The following KLHL10 variants were observed in gnomAD, a reference collection of about 807,000 sequenced individuals.
KLHL10 encodes kelch-like protein 10.
A neutral mutation model predicts 46.6 loss-of-function variants in KLHL10; 11 were observed. The ratio of observed to expected loss-of-function variants is 0.24; its 90% CI spans 0.15 to 0.39. The LOEUF is 0.39. Among genes scored for constraint, KLHL10 ranks in the 10% least tolerant of loss-of-function variants. The probability of loss-of-function intolerance (pLI) is 1.00; values close to 1 mark genes in which losing one functional copy is unlikely to be tolerated. For synonymous variants in KLHL10, 254 were observed against 279.1 expected (o/e 0.91, Z 0.90); for missense variants, 475 against 789.8 (o/e 0.60, Z 4.78).
At chr17:41,839,117 G>C (rs369083747) in intron 1 of KLHL10, among the ~76,000 whole-genome samples, 1 of 152,062 alleles carries the variant, frequency 6.6e-6, no homozygotes, top group African/African-American at 2.4e-5. Context: ...TCAGCCTCCC[G>C]AGTAGCTGGA....
intron 1 of KLHL10, among the ~76,000 whole-genome samples, chr17:41,840,855 C>T (rs1446092774): frequency 6.6e-6 from 1 of 152,044 alleles, no homozygotes; most frequent in African/African-American, 2.4e-5. Flanking sequence ...GTGGCTCACC[C>T]GTGTAATCCC....
chr17:41,847,274 G>A lies in KLHL10; in HGVS notation c.1316G>A (p.Gly439Asp). The A allele has an allele frequency of 6.2e-7, 1 of 1,614,030 alleles. No homozygotes were observed. The highest frequency in any genetic ancestry group is 8.5e-7 in the Non-Finnish European group (1 of 1,179,950). Residue 439 changes from glycine (G) to aspartate (D), a missense_variant, in exon 4 of 5, where the codon GGT (glycine) becomes GAT (aspartate). Physicochemically the swap from Gly to Asp is moderately conservative, Grantham distance 94. Transcript: ENST00000293303. The stretch of plus-strand genomic sequence containing the variant: ...CTCTTCACACAGGTCTACATATGTG[G>A]TGGGTTTAATGGAAACGAGTGCCTG... The part of the protein sequence containing the change: ...TTLYGKVYIC[G>D]GFNGNECLFT...
chr17:41,836,650 C>T (rs1344087455), upstream of KLHL10, among the ~76,000 whole-genome samples: 6 of 152,076 alleles, frequency 3.9e-5, no homozygotes, highest in Non-Finnish European at 7.4e-5. Context: ...TGACGAAACC[C>T]TGTCTCTACA....
chr17:41,847,323 T>C lies in KLHL10; in HGVS notation c.1365T>C (p.Thr455=), dbSNP rs2048299859. 3 of 1,613,834 alleles carry C rather than the reference T, an allele frequency of 1.9e-6. No individual in the cohort carries two copies. Among genetic ancestry groups the C allele is most frequent in the Non-Finnish European group, 2.5e-6 (3 of 1,179,972 alleles). ...TGTTCACAGCAGAAGTGTATAACAC[T>C]GAAAGTAATCAGTGGACAGTCATAG... ...ECLFTAEVYN[T]ESNQWTVIAP... Residue 455 remains threonine (T), a synonymous_variant, in exon 4 of 5, where the codon ACT becomes ACC. Coordinates refer to ENST00000293303, the MANE Select transcript of KLHL10 (RefSeq NM_152467.5).
In KLHL10 at chr17:41,837,969, C is replaced by T. The variant is rs782680881; in HGVS notation, c.37C>T (p.His13Tyr). 6.2e-7 allele frequency: 1 copy of T among 1,614,146 alleles called. No individual in the cohort carries two copies. The change falls in exon 1 of 5, where the codon CAC becomes TAC. Residue 13 changes from histidine (H) to tyrosine (Y), a missense_variant. By Grantham distance (83) the His-to-Tyr change is moderately conservative. Coordinates refer to ENST00000293303, the MANE Select transcript of KLHL10 (RefSeq NM_152467.5). ...MESAAASTRF[H>Y]QPHMERKMSA... The stretch of plus-strand genomic sequence containing the variant: ...GAGCGCGGCGGCCTCCACACGTTTC[C>T]ACCAGCCTCACATGGAGAGGAAGAT...
chr17:41,848,204 T>C lies in KLHL10; in HGVS notation c.1724T>C (p.Leu575Pro). 1 of 1,614,168 alleles carries C rather than the reference T, an allele frequency of 6.2e-7. No individual in the cohort carries two copies. Among genetic ancestry groups the C allele is most frequent in the South Asian group, 1.1e-5 (1 of 91,076 alleles). Residue 575 changes from leucine to proline, a missense_variant, in exon 5 of 5, where the codon CTG becomes CCG. Leu to Pro is a moderately conservative substitution (Grantham distance 98). Transcript: ENST00000293303. ...SALSCCVVPG[L>P]ANVEEYAARR... ...CTGAGCTGCTGTGTAGTACCAGGGCTGGCCAATGTTGAGGAATATGCAGCT... is the reference window on the plus strand; with the variant it reads ...CTGAGCTGCTGTGTAGTACCAGGGCCGGCCAATGTTGAGGAATATGCAGCT...
intron 2 of KLHL10, 136 bp downstream of exon 2, chr17:41,842,448 T>A: frequency 1.8e-6 from 2 of 1,095,222 alleles, no homozygotes; most frequent in Non-Finnish European, 2.7e-6. Flanking sequence ...ATTTTGCAAC[T>A]GTCTTTTCCC....
Position 41,842,364 on chromosome 17 carries a change from A to G in KLHL10, c.684+52A>G, listed in dbSNP as rs782187332. The G allele has an allele frequency of 3.1e-6, 5 of 1,607,572 alleles. No homozygotes were observed. The East Asian group carries it at 8.9e-5, about 29-fold the overall frequency. Reference sequence around the variant, plus strand: ...TCACAGAGAGATTGTCCTAAAAGCAAAATTCAGACATATGACAGATCCCAA... The same window carrying G: ...TCACAGAGAGATTGTCCTAAAAGCAGAATTCAGACATATGACAGATCCCAA... On this transcript the variant is annotated intron_variant, in intron 2 of 4. Transcript: ENST00000293303.
In KLHL10 at chr17:41,848,123, A is replaced by G; in HGVS notation, c.1643A>G (p.Asp548Gly). ...FTTTFNVECY[D>G]EKTDEWYDAH... ...ACCACCTTTAATGTTGAGTGCTATG[A>G]TGAAAAGACCGATGAGTGGTATGAT... Residue 548 changes from aspartate (D) to glycine (G), a missense_variant, in exon 5 of 5, where the codon GAT becomes GGT. By Grantham distance (94) the Asp-to-Gly change is moderately conservative. Coordinates refer to ENST00000293303, the MANE Select transcript of KLHL10 (RefSeq NM_152467.5). 1.2e-6 allele frequency: 2 copies of G among 1,614,130 alleles called. No individual in the cohort carries two copies. Among genetic ancestry groups the G allele is most frequent in the East Asian group, 4.5e-5 (2 of 44,876 alleles).
Position 41,845,664 on chromosome 17 carries a change from C to A in KLHL10, c.1223C>A (p.Pro408Gln). 6.2e-7 allele frequency: 1 copy of A among 1,611,700 alleles called. No individual in the cohort carries two copies. ...VRLNTAERYE[P>Q]ETNQWTLIAP... ...CTAAACACTGCTGAACGTTATGAGC[C>A]AGAGACCAATCAATGGACACTCATC... is the stretch of plus-strand genomic sequence containing the variant. The change falls in exon 3 of 5, where the codon CCA becomes CAA. Residue 408 changes from proline to glutamine, a missense_variant. Physicochemically the swap from Pro to Gln is moderately conservative, Grantham distance 76. Coordinates refer to ENST00000293303, the MANE Select transcript of KLHL10 (RefSeq NM_152467.5).
chr17:41,844,208 C>T lies in KLHL10; in HGVS notation c.685-918C>T, dbSNP rs149370317. On this transcript the variant is annotated intron_variant, in intron 2 of 4. Coordinates refer to ENST00000293303, the MANE Select transcript of KLHL10 (RefSeq NM_152467.5). ...CAGAGTAGCTGGGACTACAGGCACG[C>T]GGCACCATGCCTGGCTAATTTTTTT... Among the ~76,000 whole-genome samples, 15 of 150,580 alleles carry T rather than the reference C, an allele frequency of 1.0e-4. No homozygotes were observed. The South Asian group carries it at 1.5e-3, about 15-fold the overall frequency.
At chr17:41,835,833 C>G (rs1555619841), upstream of KLHL10, 1 of 1,583,594 alleles carries the variant, frequency 6.3e-7, no homozygotes, top group Non-Finnish European at 8.6e-7. Flanking sequence ...CCCAGCCCGG[C>G]CGGCCCCCGC....
At chr17:41,841,182 A>G (rs1385893471) in intron 1 of KLHL10, among the ~76,000 whole-genome samples, 6 of 152,256 alleles carry the variant, frequency 3.9e-5, no homozygotes, top group Non-Finnish European at 7.4e-5. Context: ...ATTAATAAAA[A>G]GAGAAGCATT....
In KLHL10 at chr17:41,848,139, G is replaced by A. The variant is rs1555621681; in HGVS notation, c.1659G>A (p.Glu553=). 1.2e-6 allele frequency: 2 copies of A among 1,614,132 alleles called. No individual in the cohort carries two copies. Among genetic ancestry groups the A allele is most frequent in the East Asian group, 2.2e-5 (1 of 44,884 alleles). ...AGTGCTATGATGAAAAGACCGATGA[G>A]TGGTATGATGCTCATGACATGAGTA... is the stretch of plus-strand genomic sequence containing the variant. ...NVECYDEKTD[E]WYDAHDMSIY... The change falls in exon 5 of 5, where the codon GAG becomes GAA. Residue 553 remains glutamate (E), a synonymous_variant. Coordinates refer to ENST00000293303, the MANE Select transcript of KLHL10 (RefSeq NM_152467.5).
At position 41,845,954 on chromosome 17, in the gene KLHL10, G is replaced by A. The variant is rs191321413; in HGVS notation, c.1302+211G>A. Among the ~76,000 whole-genome samples the A allele has an allele frequency of 1.8e-3, 273 of 152,258 alleles. 4 individuals are homozygous for A. The highest frequency in any genetic ancestry group is 6.2e-3 in the African/African-American group (257 of 41,540). On this transcript the variant is annotated intron_variant, in intron 3 of 4. Transcript: ENST00000293303. ...AAGCCGGGCACGGTGGCTCAAGCCC[G>A]TAATCCCAGCACTTTGGGAGGCCGA...
chr17:41,839,230 T>A (rs573353981), intron 1 of KLHL10, among the ~76,000 whole-genome samples: 1 of 152,196 alleles, frequency 6.6e-6, no homozygotes, highest in Admixed American at 6.5e-5. Context: ...GACTTCGTGA[T>A]CCACCCACCT....
intron 4 of KLHL10, 94 bp from the exon 5 acceptor site, chr17:41,847,839 G>A: frequency 6.7e-7 from 1 of 1,502,362 alleles, no homozygotes. Context: ...AATGGAAGAG[G>A]GAGTTATGAG....
intron 2 of KLHL10, among the ~76,000 whole-genome samples, chr17:41,844,358 G>A (rs1418743439): frequency 2.0e-5 from 3 of 151,434 alleles, no homozygotes; most frequent in Non-Finnish European, 4.4e-5. Context: ...AGCCTCCTGA[G>A]TAGCTGGGAT....
intron 1 of KLHL10, 32 bp downstream of exon 1, chr17:41,838,158 G>T (rs2048187679): frequency 6.5e-7 from 1 of 1,548,912 alleles, no homozygotes; most frequent in African/African-American, 1.4e-5. Flanking sequence ...CAGCCAAAGG[G>T]GTAATTGGGC....
Sources: gnomAD v4.1 joint callset for allele counts (sites outside exome capture counted in the v4.1 genomes callset) on GRCh38, gnomAD v4.1.1 for gene constraint, MANE v1.5 for transcripts, NCBI Gene and HGNC (gene_info 2026-07-23, HGNC 2026-07-21) for gene names.